EYS: variants seen among roughly 807,000 people sequenced by gnomAD.
EYS encodes the protein EGF-like photoreceptor maintenance factor.
In EYS, 250 loss-of-function variants were observed where a neutral mutation model predicts 282.1. The observed-to-expected ratio is 0.89, with a 90% CI of 0.80 to 0.98. The LOEUF is 0.98. Among genes scored for constraint, EYS ranks in the 50% least tolerant of loss-of-function variants. EYS has a pLI of 0.00. For synonymous variants in EYS, 1,355 were observed against 1,282.9 expected, an observed-to-expected ratio of 1.06 and a Z score of -1.20; for missense variants, 4,016 against 3,709.0, an observed-to-expected ratio of 1.08 and a Z score of -2.15.
At chr6:65,421,876 G>C (rs910489269) in intron 5 of EYS, among the ~76,000 whole-genome samples, 1 of 151,852 alleles carries the variant, frequency 6.6e-6, no homozygotes, top group Non-Finnish European at 1.5e-5. Context: ...GTATTATATC[G>C]ATGCAGTTGG....
At chr6:64,658,316 G>A (rs1410355058) in intron 22 of EYS, among the ~76,000 whole-genome samples, 5 of 85,278 alleles carry the variant, frequency 5.9e-5, no homozygotes, top group South Asian at 9.1e-4. Context: ...CCTTTAGCTC[G>A]GAAGTTTGAT....
Position 65,691,072 on chromosome 6 carries a change from A to G in EYS, c.-448+16063T>C, listed in dbSNP as rs970926675. ...GTGCATGTGTCTTTATAGTAAAATG[A>G]TTTATAATCCTTTGGGTATATCCTA... On this transcript the variant is annotated intron_variant, in intron 1 of 42. Coordinates refer to ENST00000503581, the MANE Select transcript of EYS (RefSeq NM_001142800.2). Among the ~76,000 whole-genome samples, 40 of 150,328 alleles carry G rather than the reference A, an allele frequency of 2.7e-4. 2 individuals carry two copies. The highest frequency in any genetic ancestry group is 9.7e-4 in the African/African-American group (40 of 41,172).
rs185672238 is a variant in EYS, at chr6:65,038,853, A to G, written c.2137+18761T>C. Among the ~76,000 whole-genome samples, 100 of 151,230 alleles carry G rather than the reference A, an allele frequency of 6.6e-4. No homozygotes were observed. In the East Asian group the frequency reaches 0.012, roughly 18 times the overall value. On this transcript the variant is annotated intron_variant, in intron 13 of 42. Transcript: ENST00000503581. The stretch of plus-strand genomic sequence containing the variant: ...TTTTTACTTATCTTTCAATGAAAAT[A>G]TTTTCTCCAGTTATTTGCACACCGT...
chr6:65,154,211 A>G (rs1255088992), intron 12 of EYS, among the ~76,000 whole-genome samples: 1 of 151,798 alleles, frequency 6.6e-6, no homozygotes, highest in African/African-American at 2.4e-5. Flanking sequence ...ACCTTCAAGA[A>G]TCTTGAAGCA....
In EYS at chr6:64,119,395, C is replaced by G. The variant is rs191153490; in HGVS notation, c.6425-37393G>C. Among the ~76,000 whole-genome samples, 1,111 of 152,268 alleles carry G rather than the reference C, an allele frequency of 7.3e-3. 6 individuals carry two copies. The highest frequency in any genetic ancestry group is 0.025 in the African/African-American group (1,047 of 41,554). On this transcript the variant is annotated intron_variant, in intron 31 of 42. Coordinates refer to ENST00000503581, the MANE Select transcript of EYS (RefSeq NM_001142800.2). ...CAACTTCCTAATGGCCGCTTTGATA[C>G]AGCATAAGTATAATCACTAAAAGTT...
intron 26 of EYS, among the ~76,000 whole-genome samples, chr6:64,477,356 C>A (rs537725923): frequency 2.1e-4 from 32 of 152,248 alleles, no homozygotes; most frequent in Admixed American, 7.9e-4. Flanking sequence ...CCCTCCCCAT[C>A]ACCTTGTAGT....
intron 31 of EYS, among the ~76,000 whole-genome samples, chr6:64,143,198 A>C (rs996573673): frequency 1.3e-5 from 2 of 152,090 alleles, no homozygotes; most frequent in African/African-American, 4.8e-5. Flanking sequence ...TGCACAGAGG[A>C]TCTTTAAGGC....
chr6:64,949,486 G>A (rs1297761875), intron 14 of EYS, among the ~76,000 whole-genome samples: 1 of 151,730 alleles, frequency 6.6e-6, no homozygotes, highest in African/African-American at 2.4e-5. Flanking sequence ...ATGCCAGTTT[G>A]TTTTTTTAAG....
chr6:64,839,621 T>C (rs977977673), intron 19 of EYS, among the ~76,000 whole-genome samples: 5 of 152,080 alleles, frequency 3.3e-5, no homozygotes, highest in African/African-American at 1.2e-4. Context: ...GCTATAATTA[T>C]ATACTTGAGC....
intron 2 of EYS, among the ~76,000 whole-genome samples, chr6:65,603,388 G>A (rs1765677604): frequency 6.6e-6 from 1 of 151,840 alleles, no homozygotes; most frequent in Non-Finnish European, 1.5e-5. Flanking sequence ...TTGTCAATTG[G>A]GATAATATCT....
intron 30 of EYS, among the ~76,000 whole-genome samples, chr6:64,268,337 C>T (rs996449735): frequency 4.0e-5 from 6 of 151,794 alleles, no homozygotes; most frequent in African/African-American, 1.2e-4. Context: ...GAATAGACAA[C>T]ATTAGGAAGG....
chr6:65,065,839 TTTG>T (rs1240772526), intron 12 of EYS, among the ~76,000 whole-genome samples: 2 of 152,224 alleles, frequency 1.3e-5, no homozygotes, highest in Admixed American at 6.5e-5. Context: ...GTCACATGTA[TTTG>T]TTTTCAATCC....
intron 22 of EYS, among the ~76,000 whole-genome samples, chr6:64,758,753 T>A (rs568748865): frequency 2.6e-5 from 4 of 152,316 alleles, no homozygotes; most frequent in Admixed American, 2.6e-4. Flanking sequence ...AAGTCTATTT[T>A]TGTTTTATTA....
intron 32 of EYS, among the ~76,000 whole-genome samples, chr6:64,075,439 T>C (rs1771735864): frequency 6.6e-6 from 1 of 151,956 alleles, no homozygotes; most frequent in Non-Finnish European, 1.5e-5. Context: ...GTTTTAATTT[T>C]TTCTAGTCTG....
chr6:64,559,255 ATG>A (rs893141727), intron 26 of EYS, among the ~76,000 whole-genome samples: 9 of 132,170 alleles, frequency 6.8e-5, no homozygotes, highest in African/African-American at 8.4e-5. Context: ...CCTTCTTTGT[ATG>A]TGTGTGTGTG....
chr6:65,296,294 T>C (rs936941479), intron 11 of EYS, among the ~76,000 whole-genome samples, 175 bp from the exon 12 acceptor site: 1 of 152,074 alleles, frequency 6.6e-6, no homozygotes. Flanking sequence ...AAATTACTTT[T>C]GATTACTGTG....
intron 31 of EYS, among the ~76,000 whole-genome samples, chr6:64,106,117 C>T (rs1240420333): frequency 6.6e-6 from 1 of 151,954 alleles, no homozygotes; most frequent in Non-Finnish European, 1.5e-5. Context: ...TGCCTTTGTC[C>T]TTTGCTCCTA....
intron 26 of EYS, among the ~76,000 whole-genome samples, chr6:64,446,062 C>T (rs1775107113): frequency 2.0e-5 from 3 of 152,228 alleles, no homozygotes; most frequent in Admixed American, 2.0e-4. Context: ...AACTTCCTCC[C>T]TGTTTCTCTT....
chr6:65,514,548 G>A (rs1053841193), intron 2 of EYS, among the ~76,000 whole-genome samples: 194 of 152,206 alleles, frequency 1.3e-3, no homozygotes, highest in Middle Eastern at 3.4e-3. Flanking sequence ...TATACTACAA[G>A]GCTACAGTAA....
Sources: allele counts gnomAD v4.1 joint callset (sites outside exome capture counted in the v4.1 genomes callset), GRCh38; gene constraint gnomAD v4.1.1; transcripts MANE v1.5; gene names NCBI Gene and HGNC (gene_info 2026-07-23, HGNC 2026-07-21).